Variants in PTPRM observed in about 807,000 individuals in gnomAD.
PTPRM encodes the protein protein tyrosine phosphatase receptor type M, also known as receptor-type tyrosine-protein phosphatase mu.
A neutral mutation model predicts 186.7 loss-of-function variants in PTPRM; 47 were observed. The observed-to-expected ratio is 0.25, with a 90% CI of 0.20 to 0.32. The LOEUF is 0.32. Ranked by LOEUF, PTPRM falls within the 10% of genes least tolerant of loss-of-function variation. The pLI, the probability that PTPRM is intolerant of heterozygous loss-of-function variation, is 1.00. For synonymous variants in PTPRM, 668 were observed against 674.9 expected, an observed-to-expected ratio of 0.99 and a Z score of 0.16; for missense variants, 1,494 against 1,865.0, an observed-to-expected ratio of 0.80 and a Z score of 3.66.
At chr18:8,290,428 T>C (rs1568677553) in intron 19 of PTPRM, among the ~76,000 whole-genome samples, 1 of 152,120 alleles carries the variant, frequency 6.6e-6, no homozygotes, top group Non-Finnish European at 1.5e-5. Context: ...CTAGGAGTTG[T>C]GGCATTTTTA....
intron 10 of PTPRM, 140 bp from the exon 11 acceptor site, chr18:8,088,609 A>C: frequency 1.5e-6 from 1 of 662,350 alleles, no homozygotes; most frequent in Non-Finnish European, 2.7e-6. Context: ...ATATATGTGA[A>C]GCTTGCTCGT....
intron 7 of PTPRM, among the ~76,000 whole-genome samples, chr18:8,042,648 G>T (rs889215641): frequency 2.0e-5 from 3 of 151,974 alleles, no homozygotes; most frequent in Non-Finnish European, 4.4e-5. Flanking sequence ...CAGATCTAGT[G>T]TAAGTGACAT....
chr18:7,982,896 A>G (rs2082636170), intron 7 of PTPRM, among the ~76,000 whole-genome samples: 1 of 152,058 alleles, frequency 6.6e-6, no homozygotes, highest in African/African-American at 2.4e-5. Context: ...AAAGTCAGGA[A>G]GCTTCTACAA....
intron 2 of PTPRM, among the ~76,000 whole-genome samples, chr18:7,834,974 G>T (rs2045959811): frequency 8.5e-6 from 1 of 118,092 alleles, no homozygotes; most frequent in Non-Finnish European, 1.8e-5. Context: ...TTTCATGTTT[G>T]ATGTTATTTA....
At chr18:7,645,621 T>C (rs2038543170) in intron 1 of PTPRM, among the ~76,000 whole-genome samples, 1 of 152,230 alleles carries the variant, frequency 6.6e-6, no homozygotes, top group East Asian at 1.9e-4. Context: ...GTGAGCTGTC[T>C]TTTCTGCCAC....
chr18:7,938,068 T>G (rs2051938174), intron 5 of PTPRM, among the ~76,000 whole-genome samples: 1 of 152,212 alleles, frequency 6.6e-6, no homozygotes, highest in South Asian at 2.1e-4. Flanking sequence ...CCATTAGAAC[T>G]TACAATCTGA....
intron 1 of PTPRM, among the ~76,000 whole-genome samples, chr18:7,587,572 A>C (rs2143582898): frequency 6.6e-6 from 1 of 152,258 alleles, no homozygotes; most frequent in Non-Finnish European, 1.5e-5. Context: ...AAGTAGACCA[A>C]GAGGCTTTGC....
At chr18:7,620,235 C>T (rs1204781679) in intron 1 of PTPRM, among the ~76,000 whole-genome samples, 1 of 152,178 alleles carries the variant, frequency 6.6e-6, no homozygotes, top group East Asian at 1.9e-4. Context: ...ATTGGCCTTT[C>T]TCCTTTGTTT....
intron 11 of PTPRM, among the ~76,000 whole-genome samples, chr18:8,108,443 A>G (rs1419618609): frequency 6.6e-6 from 1 of 152,230 alleles, no homozygotes; most frequent in African/African-American, 2.4e-5. Flanking sequence ...GTGAAAAGAA[A>G]TACGATAAAT....
At chr18:7,791,773 A>G (rs981191338) in intron 2 of PTPRM, among the ~76,000 whole-genome samples, 32 of 152,214 alleles carry the variant, frequency 2.1e-4, no homozygotes, top group Non-Finnish European at 1.0e-4. Context: ...TATAATGATT[A>G]CTTTTTTGTT....
chr18:7,962,806 G>A (rs1384310912), intron 7 of PTPRM, among the ~76,000 whole-genome samples: 1 of 152,190 alleles, frequency 6.6e-6, no homozygotes, highest in African/African-American at 2.4e-5. Flanking sequence ...TTAAATCAAA[G>A]ATAGTAGTAT....
At chr18:7,738,315 G>A (rs894896761) in intron 1 of PTPRM, among the ~76,000 whole-genome samples, 1 of 152,222 alleles carries the variant, frequency 6.6e-6, no homozygotes, top group Non-Finnish European at 1.5e-5. Context: ...GCATTCTGCT[G>A]GTTGTGGAAG....
At chr18:7,730,849 G>T (rs550026674) in intron 1 of PTPRM, among the ~76,000 whole-genome samples, 7 of 152,252 alleles carry the variant, frequency 4.6e-5, no homozygotes, top group African/African-American at 1.7e-4. Flanking sequence ...AATACCGAGG[G>T]ACTTATTCTG....
intron 7 of PTPRM, among the ~76,000 whole-genome samples, chr18:8,018,747 TACTGAATATTATACTAGAA>T (rs1283810344): frequency 6.6e-6 from 1 of 152,226 alleles, no homozygotes; most frequent in Non-Finnish European, 1.5e-5. Context: ...CCTAACTATA[TACTGAATATTATACTAGAA>T]ACTGAATGAT....
In PTPRM at chr18:8,182,080, G is replaced by A. The variant is rs754033247; in HGVS notation, c.2300+38301G>A. Among the ~76,000 whole-genome samples the A allele has an allele frequency of 4.4e-4, 67 of 152,228 alleles. 1 individual carries two copies. The highest frequency in any genetic ancestry group is 1.5e-3 in the Admixed American group (23 of 15,290). On this transcript the variant is annotated intron_variant, in intron 14 of 32. Coordinates refer to ENST00000580170, the MANE Select transcript of PTPRM (RefSeq NM_001105244.2). ...CTATGCCATTATTGTACCATGAAAG[G>A]AAACTCCCTCATAAACCCATCATAT...
intron 11 of PTPRM, among the ~76,000 whole-genome samples, chr18:8,100,200 G>A (rs981635307): frequency 1.3e-5 from 2 of 152,086 alleles, no homozygotes; most frequent in Non-Finnish European, 2.9e-5. Flanking sequence ...GGGCAGTGGC[G>A]TGATCTCGGC....
chr18:8,304,815 G>T (rs1601722192), intron 20 of PTPRM, among the ~76,000 whole-genome samples: 2 of 97,436 alleles, frequency 2.1e-5, no homozygotes, highest in Admixed American at 1.1e-4. Context: ...TGAAGCTGTT[G>T]ACTTTATTTT....
intron 2 of PTPRM, among the ~76,000 whole-genome samples, chr18:7,875,178 A>C (rs536859717): frequency 6.6e-6 from 1 of 152,204 alleles, no homozygotes; most frequent in East Asian, 1.9e-4. Context: ...CCTGGGTGAC[A>C]GAACGGGTCT....
intron 2 of PTPRM, among the ~76,000 whole-genome samples, chr18:7,863,339 A>G (rs1023169120): frequency 1.3e-5 from 2 of 151,956 alleles, no homozygotes; most frequent in Non-Finnish European, 2.9e-5. Flanking sequence ...TCCTAATGCT[A>G]TCCCTCCCCC....
Sources: allele counts gnomAD v4.1 joint callset (sites outside exome capture counted in the v4.1 genomes callset), GRCh38; gene constraint gnomAD v4.1.1; transcripts MANE v1.5; gene names NCBI Gene and HGNC (gene_info 2026-07-23, HGNC 2026-07-21).